Variants in SRGAP3 observed in about 807,000 individuals in gnomAD.
SRGAP3 encodes the protein SLIT-ROBO Rho GTPase-activating protein 3.
A neutral mutation model predicts 121.1 loss-of-function variants in SRGAP3; 39 were observed. That is an observed-to-expected ratio of 0.32 (90% CI 0.25 to 0.42). The LOEUF (loss-of-function observed/expected upper bound fraction) is 0.42, where lower values mean the gene tolerates loss of function less well. Ranked by LOEUF, SRGAP3 falls within the 10% of genes least tolerant of loss-of-function variation. The probability of loss-of-function intolerance (pLI) is 1.00; values close to 1 mark genes in which losing one functional copy is unlikely to be tolerated. For synonymous variants in SRGAP3, 601 were observed against 570.0 expected, an observed-to-expected ratio of 1.05 and a Z score of -0.77; for missense variants, 1,213 against 1,470.6, an observed-to-expected ratio of 0.82 and a Z score of 2.86.
At chr3:9,354,337 A>G (rs1015403284) in intron 1 of SRGAP3, among the ~76,000 whole-genome samples, 1 of 152,162 alleles carries the variant, frequency 6.6e-6, no homozygotes, top group African/African-American at 2.4e-5. Context: ...TGGGCAAGGG[A>G]GTGGCTGTGC....
At position 8,994,425 on chromosome 3, in the gene SRGAP3, G is replaced by A. The variant is rs1197881650; in HGVS notation, c.2326C>T (p.Arg776Cys). The A allele has an allele frequency of 1.5e-5, 25 of 1,614,132 alleles. No individual in the cohort carries two copies. The highest frequency in any genetic ancestry group is 2.7e-5 in the African/African-American group (2 of 74,948). The change falls in exon 19 of 22, where the codon CGC becomes TGC. Residue 776 changes from arginine to cysteine, a missense_variant. Around this residue, in one of 2 missense-constraint regions of SRGAP3, gnomAD observed 793 missense variants for 1,032.9 expected, o/e 0.77. Coordinates refer to ENST00000383836, the MANE Select transcript of SRGAP3 (RefSeq NM_014850.4). ...CCCTCCCACCAGTCCTCCGAGGCGCGGTGGTACAGGAGCAGCGAGGCCCCC... is the reference window on the plus strand; with the variant it reads ...CCCTCCCACCAGTCCTCCGAGGCGCAGTGGTACAGGAGCAGCGAGGCCCCC... The part of the protein sequence containing the change: ...KKGASLLLYH[R>C]ASEDWWEGRH...
intron 12 of SRGAP3, among the ~76,000 whole-genome samples, chr3:9,027,882 A>G (rs1944293121): frequency 6.6e-6 from 1 of 152,234 alleles, no homozygotes; most frequent in Non-Finnish European, 1.5e-5. Flanking sequence ...ACCATGAGGC[A>G]CATGTAATAT....
rs111254977 is a variant in SRGAP3, at chr3:9,114,158, A to G, written c.261-9316T>C. On this transcript the variant is annotated intron_variant, in intron 2 of 21. Coordinates refer to ENST00000383836, the MANE Select transcript of SRGAP3 (RefSeq NM_014850.4). ...GGTTCAAATGCCAATTCTGTCCCTC[A>G]CCAACAAAGTGAACTTGGAAAGTTA... 5.6e-4 allele frequency among the ~76,000 whole-genome samples: 85 copies of G among 152,242 alleles called. 1 individual carries two copies. The highest frequency in any genetic ancestry group is 1.9e-3 in the African/African-American group (80 of 41,550).
At chr3:9,263,407 C>CA (rs201451399) in intron 3 of SRGAP3, among the ~76,000 whole-genome samples, 18,772 of 150,276 alleles carry the variant, frequency 0.12, 1,467 homozygotes, top group African/African-American at 0.2. Flanking sequence ...AAAAACCCTT[C>CA]AAAAAAAAAT....
At chr3:9,053,003 T>C (rs960815426) in intron 9 of SRGAP3, 24 bp downstream of exon 9, 1 of 1,611,686 alleles carries the variant, frequency 6.2e-7, no homozygotes, top group East Asian at 2.2e-5. Context: ...GACAGTGTGG[T>C]TCTGGGCCCA....
rs577272279 is a variant in SRGAP3, at chr3:9,107,876, T to G, written c.261-3034A>C. Among the ~76,000 whole-genome samples, 5 of 152,296 alleles carry G rather than the reference T, an allele frequency of 3.3e-5. No individual in the cohort carries two copies. In the South Asian group the frequency reaches 1.0e-3, roughly 32 times the overall value. ...CCAGCACCCAGCAATGTGCCTGCCA[T>G]GTAGCAGATGCTATGGAAGAGAGAC... On this transcript the variant is annotated intron_variant, in intron 2 of 21. Coordinates refer to ENST00000383836, the MANE Select transcript of SRGAP3 (RefSeq NM_014850.4).
intron 1 of SRGAP3, among the ~76,000 whole-genome samples, chr3:9,125,518 T>C (rs545183725): frequency 2.6e-5 from 4 of 152,348 alleles, no homozygotes; most frequent in African/African-American, 9.6e-5. Flanking sequence ...TTCAGTGTTA[T>C]TTAAGGCCAC....
chr3:9,298,590 C>G (rs1028377995), intron 3 of SRGAP3, among the ~76,000 whole-genome samples: 1 of 152,130 alleles, frequency 6.6e-6, no homozygotes, highest in Non-Finnish European at 1.5e-5. Context: ...ATCTTGTAAC[C>G]ATTTGACCAG....
chr3:9,339,996 T>C (rs1019359646), intron 1 of SRGAP3, among the ~76,000 whole-genome samples: 25 of 152,070 alleles, frequency 1.6e-4, no homozygotes, highest in African/African-American at 6.0e-4. Flanking sequence ...GCTTGCATTA[T>C]AGAAATGAAT....
chr3:9,304,731 C>G (rs966596983), intron 3 of SRGAP3, among the ~76,000 whole-genome samples: 2 of 152,108 alleles, frequency 1.3e-5, no homozygotes, highest in African/African-American at 4.8e-5. Context: ...GTCGTATGCT[C>G]ACTCCCTGAG....
chr3:9,362,577 C>T (rs988075982), intron 1 of SRGAP3, among the ~76,000 whole-genome samples: 26 of 151,946 alleles, frequency 1.7e-4, no homozygotes, highest in Admixed American at 5.2e-4. Context: ...CCCAGATGTT[C>T]GAGACCAGCT....
intron 1 of SRGAP3, among the ~76,000 whole-genome samples, chr3:9,187,054 C>T (rs887846970): frequency 5.3e-5 from 8 of 152,232 alleles, no homozygotes; most frequent in South Asian, 2.1e-4. Context: ...TGATGCGTTG[C>T]TGCACCCGTC....
chr3:9,207,223 G>C (rs1952295701), intron 1 of SRGAP3, among the ~76,000 whole-genome samples: 1 of 152,182 alleles, frequency 6.6e-6, no homozygotes, highest in South Asian at 2.1e-4. Context: ...TTAAAGAACA[G>C]GAGCTGTAAC....
chr3:9,040,553 C>T (rs902386192), intron 10 of SRGAP3, among the ~76,000 whole-genome samples: 1 of 151,608 alleles, frequency 6.6e-6, no homozygotes, highest in South Asian at 2.1e-4. Context: ...TATTTTTATT[C>T]TATTCTATTC....
chr3:9,311,148 C>A (rs1203860697), intron 3 of SRGAP3, among the ~76,000 whole-genome samples: 1 of 148,608 alleles, frequency 6.7e-6, no homozygotes, highest in Non-Finnish European at 1.5e-5. Flanking sequence ...CCAGCCTGGG[C>A]GATAGAGCAA....
chr3:9,167,090 T>C (rs1462092695), intron 1 of SRGAP3, among the ~76,000 whole-genome samples: 2 of 152,164 alleles, frequency 1.3e-5, no homozygotes, highest in Non-Finnish European at 2.9e-5. Context: ...ACCAGCAGCC[T>C]TGAGAGACAT....
intron 1 of SRGAP3, among the ~76,000 whole-genome samples, chr3:9,238,721 G>A (rs1326211522): frequency 2.0e-5 from 3 of 152,186 alleles, no homozygotes; most frequent in Admixed American, 6.6e-5. Context: ...GCCCTAGGGA[G>A]GCACCAGGGG....
intron 3 of SRGAP3, among the ~76,000 whole-genome samples, chr3:9,101,197 G>A (rs1225149077): frequency 1.3e-5 from 2 of 152,200 alleles, no homozygotes; most frequent in Admixed American, 6.5e-5. Flanking sequence ...TAGCAGAGGC[G>A]TACAGCTGCT....
chr3:9,090,134 T>C (rs1462583298), intron 3 of SRGAP3, among the ~76,000 whole-genome samples: 1 of 152,140 alleles, frequency 6.6e-6, no homozygotes, highest in Non-Finnish European at 1.5e-5. Context: ...GATACCGAAA[T>C]GACCACTGAA....
Sources: gnomAD v4.1 joint callset for allele counts (sites outside exome capture counted in the v4.1 genomes callset) on GRCh38, gnomAD v4.1.1 for gene constraint, gnomAD v4.1.1 regional missense constraint, MANE v1.5 for transcripts, NCBI Gene and HGNC (gene_info 2026-07-23, HGNC 2026-07-21) for gene names.